TMTC3: variants seen among roughly 807,000 people sequenced by gnomAD.
TMTC3 encodes the protein transmembrane O-mannosyltransferase targeting cadherins 3.
A neutral mutation model predicts 92.2 loss-of-function variants in TMTC3; 52 were observed. The ratio of observed to expected loss-of-function variants is 0.56; its 90% CI spans 0.45 to 0.71. TMTC3 has a LOEUF of 0.71. TMTC3 is among the 30% of genes least tolerant of loss of function. TMTC3 has a pLI of 0.00. For missense variants in TMTC3, 896 were observed against 1,057.1 expected (o/e 0.85, Z 2.11); for synonymous variants, 339 against 363.3 (o/e 0.93, Z 0.76).
At chr12:88,148,902 T>C (rs1381169126) in intron 2 of TMTC3, among the ~76,000 whole-genome samples, 3 of 152,126 alleles carry the variant, frequency 2.0e-5, no homozygotes, top group Admixed American at 1.3e-4. Flanking sequence ...TATATATTTA[T>C]GTGAAAACCA....
intron 4 of TMTC3, among the ~76,000 whole-genome samples, chr12:88,159,753 A>G (rs1372446292): frequency 6.6e-6 from 1 of 152,054 alleles, no homozygotes; most frequent in African/African-American, 2.4e-5. Context: ...AGGTATAAAG[A>G]TATCTGTCAT....
chr12:88,175,370 C>T (rs1009347994), intron 9 of TMTC3, among the ~76,000 whole-genome samples: 2 of 152,174 alleles, frequency 1.3e-5, no homozygotes, highest in African/African-American at 2.4e-5. Flanking sequence ...CTCTCCCTTA[C>T]CAGTACCCCT....
At position 88,195,864 on chromosome 12, in the gene TMTC3, G is replaced by A; in HGVS notation, c.*215G>A. ...TTTCAGAGTGTGGGTGAATATAGCA[G>A]AAATATTACAGCGGAAGTGACAAAT... is the stretch of plus-strand genomic sequence containing the variant. On this transcript the variant is annotated 3_prime_UTR_variant, in exon 14 of 14. Coordinates refer to ENST00000266712, the MANE Select transcript of TMTC3 (RefSeq NM_181783.4). 1 of 367,250 alleles carries A rather than the reference G, an allele frequency of 2.7e-6. No individual in the cohort carries two copies. The highest frequency in any genetic ancestry group is 4.8e-6 in the Non-Finnish European group (1 of 206,322). 22.7% of individuals were successfully genotyped at this position (367,250 alleles called of 1,614,324 possible).
chr12:88,171,263 T>C (rs1423497094), intron 7 of TMTC3, among the ~76,000 whole-genome samples: 3 of 152,182 alleles, frequency 2.0e-5, no homozygotes, highest in Non-Finnish European at 4.4e-5. Context: ...TATCATCTTA[T>C]TTTTACCACA....
chr12:88,160,364 C>T (rs2041062241), intron 5 of TMTC3, 135 bp downstream of exon 5: 1 of 576,774 alleles, frequency 1.7e-6, no homozygotes. Flanking sequence ...TACCAGAAAT[C>T]ATGTTTTATC....
chr12:88,194,772 T>C, intron 13 of TMTC3, 66 bp from the exon 14 acceptor site: 2 of 1,039,986 alleles, frequency 1.9e-6, no homozygotes, highest in East Asian at 2.9e-5. Context: ...TATTTGAAAA[T>C]GGCTTTGTTC....
rs1331249839 is a variant in TMTC3 at position 88,196,107 on chromosome 12, C to G, written c.*458C>G. On this transcript the variant is annotated 3_prime_UTR_variant, in exon 14 of 14. Transcript: ENST00000266712. ...AAACACTTAAGTAATTCTGTTTAAT[C>G]AAGGGATTTACACTACAAAAGAATG... is the stretch of plus-strand genomic sequence containing the variant. 1 of 152,440 alleles carries G rather than the reference C, an allele frequency of 6.6e-6. No homozygotes were observed. Among genetic ancestry groups the G allele is most frequent in the Non-Finnish European group, 1.5e-5 (1 of 68,284 alleles). 9.4% of individuals were successfully genotyped at this position (152,440 alleles called of 1,614,324 possible).
rs1348058720 is a variant in TMTC3, at chr12:88,176,192, T to C, written c.1321-16T>C. 2.0e-6 allele frequency: 3 copies of C among 1,537,922 alleles called. No homozygotes were observed. Among genetic ancestry groups the C allele is most frequent in the Non-Finnish European group, 2.7e-6 (3 of 1,124,596 alleles). ...TTTTTTAATTGTAACTTTTTCTATC[T>C]GTGCTTGTATTTAAGGTAAATAAAA... On this transcript the variant is annotated splice_polypyrimidine_tract_variant and intron_variant, in intron 9 of 13. Transcript: ENST00000266712.
intron 10 of TMTC3, among the ~76,000 whole-genome samples, chr12:88,187,917 G>A (rs2041397424): frequency 6.6e-6 from 1 of 151,876 alleles, no homozygotes; most frequent in Non-Finnish European, 1.5e-5. Context: ...ATATTTACTG[G>A]CAAGTATATC....
Position 88,185,912 on chromosome 12 carries a change from C to T in TMTC3, c.1433-2931C>T, listed in dbSNP as rs377581697. ...ACACAATTTGATTGTGACTTATTAT[C>T]TTTATTATATTTTATTTGTTAAAAT... On this transcript the variant is annotated intron_variant, in intron 10 of 13. Coordinates refer to ENST00000266712, the MANE Select transcript of TMTC3 (RefSeq NM_181783.4). Among the ~76,000 whole-genome samples, 23 of 152,074 alleles carry T rather than the reference C, an allele frequency of 1.5e-4. No individual in the cohort carries two copies. The South Asian group carries it at 4.6e-3, about 30-fold the overall frequency.
intron 10 of TMTC3, among the ~76,000 whole-genome samples, chr12:88,177,537 A>T (rs2041273151): frequency 6.6e-6 from 1 of 152,172 alleles, no homozygotes; most frequent in South Asian, 2.1e-4. Flanking sequence ...GATGGAGGAA[A>T]GGTAACAAGA....
At chr12:88,184,227 A>G (rs2041350849) in intron 10 of TMTC3, among the ~76,000 whole-genome samples, 1 of 152,146 alleles carries the variant, frequency 6.6e-6, no homozygotes, top group Admixed American at 6.5e-5. Context: ...AGATTTAATG[A>G]TAAAGGCTTG....
chr12:88,159,544 T>C (rs1463398310), intron 4 of TMTC3, among the ~76,000 whole-genome samples: 1 of 151,592 alleles, frequency 6.6e-6, no homozygotes, highest in Non-Finnish European at 1.5e-5. Flanking sequence ...ATGCCTGTAG[T>C]CCTATTTGGG....
chr12:88,187,730 C>T (rs905734753), intron 10 of TMTC3, among the ~76,000 whole-genome samples: 2 of 152,012 alleles, frequency 1.3e-5, no homozygotes, highest in African/African-American at 4.8e-5. Flanking sequence ...TATGCTTGGC[C>T]CCTATGTGTC....
chr12:88,184,267 T>C (rs1208074817), intron 10 of TMTC3, among the ~76,000 whole-genome samples: 4 of 152,138 alleles, frequency 2.6e-5, no homozygotes, highest in Non-Finnish European at 5.9e-5. Flanking sequence ...GTAATGAACA[T>C]TGTCGACCCC....
chr12:88,194,746 CT>C (rs774397263), intron 13 of TMTC3, 91 bp from the exon 14 acceptor site: 2 of 887,100 alleles, frequency 2.3e-6, no homozygotes, highest in Non-Finnish European at 3.1e-6. Context: ...TTGAAGCTGT[CT>C]TTTTGTAATC....
At chr12:88,144,255 A>G (rs1454028549) in intron 1 of TMTC3, among the ~76,000 whole-genome samples, 1 of 152,162 alleles carries the variant, frequency 6.6e-6, no homozygotes, top group East Asian at 1.9e-4. Flanking sequence ...CCCAGCCCCT[A>G]TTCAAGATGG....
chr12:88,173,167 A>G (rs1337195641), intron 8 of TMTC3: 1 of 1,075,536 alleles, frequency 9.3e-7, no homozygotes, highest in Non-Finnish European at 1.2e-6. Context: ...CACTATCTTC[A>G]TTATAATCTT....
intron 7 of TMTC3, among the ~76,000 whole-genome samples, chr12:88,169,182 T>C (rs1460916677): frequency 6.6e-6 from 1 of 152,162 alleles, no homozygotes; most frequent in African/African-American, 2.4e-5. Flanking sequence ...TCCCAAACAG[T>C]CTTAAGGATA....
Sources: allele counts gnomAD v4.1 joint callset (sites outside exome capture counted in the v4.1 genomes callset), GRCh38; gene constraint gnomAD v4.1.1; transcripts MANE v1.5; gene names NCBI Gene and HGNC (gene_info 2026-07-23, HGNC 2026-07-21).